ADK: variants seen among roughly 807,000 people sequenced by gnomAD.
ADK encodes N6,N6-dimethyladenosine kinase.
In ADK, 24 loss-of-function variants were observed where a neutral mutation model predicts 44.7. That is an observed-to-expected ratio of 0.54 (90% confidence interval 0.39 to 0.76). The LOEUF (loss-of-function observed/expected upper bound fraction) is 0.76, where lower values mean the gene tolerates loss of function less well. Among genes scored for constraint, ADK ranks in the 30% least tolerant of loss-of-function variants. ADK has a pLI of 0.00. For synonymous variants in ADK, 128 were observed against 142.6 expected, an observed-to-expected ratio of 0.90 and a Z score of 0.73; for missense variants, 321 against 425.1, an observed-to-expected ratio of 0.76 and a Z score of 2.15.
At chr10:74,393,993 G>A (rs1843423589) in intron 4 of ADK, 148 bp from the exon 5 acceptor site, 6 of 815,918 alleles carry the variant, frequency 7.4e-6, no homozygotes, top group Middle Eastern at 3.4e-4. Context: ...TTTTTTAATC[G>A]TAAGTGATAG....
intron 5 of ADK, among the ~76,000 whole-genome samples, chr10:74,396,469 G>A (rs1018682172): frequency 2.6e-5 from 4 of 152,164 alleles, no homozygotes; most frequent in Admixed American, 2.6e-4. Context: ...AGGAGGTTGA[G>A]GCTGCAGTGG....
chr10:74,337,760 ATTTT>A (rs71475276), intron 4 of ADK, among the ~76,000 whole-genome samples: 1 of 130,134 alleles, frequency 7.7e-6, no homozygotes, highest in Non-Finnish European at 1.6e-5. Flanking sequence ...TCTTCGGATG[ATTTT>A]TTTTTTTTTT....
At chr10:74,625,931 ATG>A (rs1328395346) in intron 9 of ADK, among the ~76,000 whole-genome samples, 1 of 152,202 alleles carries the variant, frequency 6.6e-6, no homozygotes, top group Non-Finnish European at 1.5e-5. Flanking sequence ...CATTAATAAA[ATG>A]TGTAGTTGAT....
intron 3 of ADK, among the ~76,000 whole-genome samples, chr10:74,279,063 G>C (rs889061821): frequency 4.6e-5 from 7 of 151,550 alleles, no homozygotes; most frequent in Non-Finnish European, 1.0e-4. Flanking sequence ...GGTGGATCAC[G>C]AGATCAGGAA....
chr10:74,196,401 A>C lies in ADK; in HGVS notation c.66-4363A>C, dbSNP rs151019376. 1.5e-3 allele frequency among the ~76,000 whole-genome samples: 234 copies of C among 152,138 alleles called. 1 individual carries two copies. The highest frequency in any genetic ancestry group is 5.3e-3 in the African/African-American group (222 of 41,546). On this transcript the variant is annotated intron_variant, in intron 1 of 10. Transcript: ENST00000539909. Reference sequence around the variant, plus strand: ...CTAAAAATACAGAAATTAGCTGGGCATAGTGGTGCGTGCCTGTAATCCCAG... The same window carrying C: ...CTAAAAATACAGAAATTAGCTGGGCCTAGTGGTGCGTGCCTGTAATCCCAG...
intron 3 of ADK, among the ~76,000 whole-genome samples, chr10:74,234,615 G>A (rs1564609754): frequency 6.6e-6 from 1 of 152,152 alleles, no homozygotes; most frequent in African/African-American, 2.4e-5. Flanking sequence ...AGGTAATACT[G>A]TGTTTTATTT....
chr10:74,490,829 A>AT (rs556585296), intron 6 of ADK, among the ~76,000 whole-genome samples: 21 of 151,820 alleles, frequency 1.4e-4, no homozygotes, highest in Admixed American at 1.3e-4. Context: ...AATTGTATTG[A>AT]TTTTTTTTCC....
At chr10:74,595,665 C>T (rs550478578) in intron 8 of ADK, among the ~76,000 whole-genome samples, 2 of 70,656 alleles carry the variant, frequency 2.8e-5, no homozygotes, top group East Asian at 4.2e-4. Flanking sequence ...CGTGAGCTAC[C>T]GCGCCCATCG....
At chr10:74,319,233 A>G (rs1840731523) in intron 4 of ADK, among the ~76,000 whole-genome samples, 1 of 152,240 alleles carries the variant, frequency 6.6e-6, no homozygotes, top group Non-Finnish European at 1.5e-5. Context: ...AATAAGTTCA[A>G]TATTAGTTTG....
chr10:74,362,369 ATT>A (rs60747949), intron 4 of ADK, among the ~76,000 whole-genome samples: 46 of 148,390 alleles, frequency 3.1e-4, no homozygotes, highest in Admixed American at 8.0e-4. Context: ...CGCTTCATTA[ATT>A]TTTTTTTTTT....
intron 2 of ADK, among the ~76,000 whole-genome samples, chr10:74,217,757 A>T (rs550320189): frequency 3.3e-5 from 5 of 152,308 alleles, no homozygotes; most frequent in African/African-American, 1.2e-4. Context: ...TACCCAGGCA[A>T]ACAGGGTCTG....
intron 3 of ADK, among the ~76,000 whole-genome samples, chr10:74,287,818 C>T (rs1847238266): frequency 1.3e-5 from 2 of 151,284 alleles, no homozygotes; most frequent in African/African-American, 4.9e-5. Flanking sequence ...GATGAAACTC[C>T]ATCTCTACAA....
chr10:74,184,026 C>T (rs1842658602), intron 1 of ADK, among the ~76,000 whole-genome samples: 3 of 151,582 alleles, frequency 2.0e-5, no homozygotes, highest in Admixed American at 2.0e-4. Flanking sequence ...AAGCAATTCT[C>T]CCTGCCTCAG....
chr10:74,623,483 A>G (rs1020632618), intron 9 of ADK, among the ~76,000 whole-genome samples: 1 of 152,122 alleles, frequency 6.6e-6, no homozygotes, highest in Non-Finnish European at 1.5e-5. Flanking sequence ...TCTAGTCCGT[A>G]CTTGCTTAAC....
chr10:74,549,824 AATT>A (rs1447681797), intron 7 of ADK, among the ~76,000 whole-genome samples: 1 of 152,172 alleles, frequency 6.6e-6, no homozygotes, highest in Non-Finnish European at 1.5e-5. Flanking sequence ...CACAGGCGTT[AATT>A]ATTGACATGT....
intron 7 of ADK, among the ~76,000 whole-genome samples, chr10:74,575,455 G>T (rs2133874036): frequency 6.6e-6 from 1 of 152,310 alleles, no homozygotes; most frequent in East Asian, 1.9e-4. Context: ...AATTCAAGAA[G>T]ACTTCTGTTA....
intron 7 of ADK, among the ~76,000 whole-genome samples, chr10:74,575,724 G>A (rs764440835): frequency 5.9e-5 from 9 of 152,164 alleles, no homozygotes; most frequent in Non-Finnish European, 1.2e-4. Flanking sequence ...TGTGGAACTG[G>A]AACTTTTATC....
Position 74,158,987 on chromosome 10 carries a change from A to T in ADK, c.65+7644A>T, listed in dbSNP as rs111302996. Among the ~76,000 whole-genome samples the T allele has an allele frequency of 6.6e-5, 10 of 152,338 alleles. 1 individual carries two copies. Among genetic ancestry groups the T allele is most frequent in the African/African-American group, 2.4e-4 (10 of 41,590 alleles). On this transcript the variant is annotated intron_variant, in intron 1 of 10. Coordinates refer to ENST00000539909, the MANE Select transcript of ADK (RefSeq NM_006721.4). Reference sequence around the variant, plus strand: ...GGCTGTTTTACAAAATGGTCTCCCAAACTGAAGTTTCACATACTGCTTGAA... The same window carrying T: ...GGCTGTTTTACAAAATGGTCTCCCATACTGAAGTTTCACATACTGCTTGAA...
intron 4 of ADK, among the ~76,000 whole-genome samples, chr10:74,368,680 A>G (rs1008171974): frequency 6.6e-6 from 1 of 150,860 alleles, no homozygotes; most frequent in Non-Finnish European, 1.5e-5. Context: ...CCCAGGCTGG[A>G]GTGCCGTGGC....
Sources: gnomAD v4.1 joint callset for allele counts (sites outside exome capture counted in the v4.1 genomes callset) on GRCh38, gnomAD v4.1.1 for gene constraint, MANE v1.5 for transcripts, NCBI Gene and HGNC (gene_info 2026-07-23, HGNC 2026-07-21) for gene names.